The following KHDRBS2 variants were observed in gnomAD, a reference collection of about 807,000 sequenced individuals.
KHDRBS2 encodes KH RNA binding domain containing, signal transduction associated 2, also known as KH domain-containing, RNA-binding, signal transduction-associated protein 2.
Under a neutral mutation model 44.3 loss-of-function variants are expected in KHDRBS2, and 26 were observed. That is an observed-to-expected ratio of 0.59 (90% CI 0.43 to 0.81). The LOEUF is 0.81. Ranked by LOEUF, KHDRBS2 falls within the 40% of genes least tolerant of loss-of-function variation. The pLI, the probability that KHDRBS2 is intolerant of heterozygous loss-of-function variation, is 0.00. For missense variants in KHDRBS2, 476 were observed against 433.1 expected (o/e 1.10, Z -0.88); for synonymous variants, 194 against 151.1 (o/e 1.28, Z -2.08).
chr6:62,115,907 CTT>C (rs2150078524), intron 2 of KHDRBS2, among the ~76,000 whole-genome samples: 1 of 152,054 alleles, frequency 6.6e-6, no homozygotes, highest in African/African-American at 2.4e-5. Context: ...TGAATATTCT[CTT>C]AAATAAAACA....
the KHDRBS2 span, among the ~76,000 whole-genome samples, chr6:61,661,823 T>C: frequency 4.6e-3 from 704 of 151,964 alleles, 2 homozygotes; most frequent in African/African-American, 0.016. Context: ...CCATACTGCC[T>C]AAGGTAATTT....
At chr6:62,059,749 G>A (rs1562750943) in intron 2 of KHDRBS2, among the ~76,000 whole-genome samples, 1 of 151,764 alleles carries the variant, frequency 6.6e-6, no homozygotes, top group Non-Finnish European at 1.5e-5. Flanking sequence ...TTCTATACAG[G>A]GGTAGTATTT....
intron 2 of KHDRBS2, among the ~76,000 whole-genome samples, chr6:62,069,981 G>A (rs1398859760): frequency 6.6e-6 from 1 of 151,456 alleles, no homozygotes; most frequent in Admixed American, 6.6e-5. Flanking sequence ...CTATTCCTAG[G>A]ATTTTTAGTT....
At chr6:61,862,911 G>A (rs1319690005) in intron 6 of KHDRBS2, among the ~76,000 whole-genome samples, 1 of 151,506 alleles carries the variant, frequency 6.6e-6, no homozygotes, top group Non-Finnish European at 1.5e-5. Flanking sequence ...GCTCTTCTTT[G>A]TCCCTCTGGC....
intron 6 of KHDRBS2, among the ~76,000 whole-genome samples, chr6:61,736,398 C>A (rs1205084773): frequency 1.3e-5 from 2 of 152,010 alleles, no homozygotes; most frequent in Middle Eastern, 3.4e-3. Context: ...TCAGGGCAGT[C>A]CAGCACTCTA....
the KHDRBS2 span, among the ~76,000 whole-genome samples, chr6:61,618,807 C>T: frequency 0.024 from 3,723 of 152,258 alleles, 71 homozygotes; most frequent in Middle Eastern, 0.088. Flanking sequence ...GCTAATTAGC[C>T]TTTCAGTTGG....
At chr6:61,766,701 C>T (rs1182051628) in intron 6 of KHDRBS2, among the ~76,000 whole-genome samples, 2 of 151,720 alleles carry the variant, frequency 1.3e-5, no homozygotes, top group African/African-American at 4.8e-5. Flanking sequence ...AATTTTCTTC[C>T]TAATTTCTTC....
chr6:61,916,806 A>G (rs1807083276), intron 4 of KHDRBS2, among the ~76,000 whole-genome samples: 1 of 151,884 alleles, frequency 6.6e-6, no homozygotes, highest in Non-Finnish European at 1.5e-5. Context: ...CAAATAGGTC[A>G]GGCAAGTAAG....
At chr6:62,092,821 T>G (rs950208006) in intron 2 of KHDRBS2, among the ~76,000 whole-genome samples, 5 of 152,144 alleles carry the variant, frequency 3.3e-5, no homozygotes, top group African/African-American at 1.2e-4. Flanking sequence ...GCAATTAATA[T>G]GTAAGCCATA....
chr6:61,796,548 A>G (rs1314813272), intron 6 of KHDRBS2, among the ~76,000 whole-genome samples: 1 of 152,092 alleles, frequency 6.6e-6, no homozygotes, highest in Non-Finnish European at 1.5e-5. Context: ...TAAAGGGTAC[A>G]TTAAAAACTA....
chr6:62,200,507 G>A (rs1826725449), intron 1 of KHDRBS2, among the ~76,000 whole-genome samples: 1 of 152,204 alleles, frequency 6.6e-6, no homozygotes, highest in Non-Finnish European at 1.5e-5. Context: ...CCGGCCATCA[G>A]AGAAATGCAC....
At chr6:61,809,498 A>G (rs1472660191) in intron 6 of KHDRBS2, among the ~76,000 whole-genome samples, 2 of 152,112 alleles carry the variant, frequency 1.3e-5, no homozygotes, top group African/African-American at 4.8e-5. Flanking sequence ...AGGTCTCTAC[A>G]AAATACCTTA....
intron 1 of KHDRBS2, among the ~76,000 whole-genome samples, chr6:62,230,951 A>G (rs1364723235): frequency 1.3e-5 from 2 of 152,206 alleles, no homozygotes; most frequent in Admixed American, 1.3e-4. Flanking sequence ...ATAACACTAC[A>G]TGTGTAAGGG....
rs552211839 is a variant in KHDRBS2 at position 61,937,515 on chromosome 6, T to C, written c.484-36144A>G. Among the ~76,000 whole-genome samples, 40 of 152,184 alleles carry C rather than the reference T, an allele frequency of 2.6e-4. No individual in the cohort carries two copies. In the East Asian group the frequency reaches 6.9e-3, roughly 26 times the overall value. ...TATCTTTGGTCTGATGTGTCTTATG[T>C]TTATTGAACTTCTTGGGGGATTTTG... On this transcript the variant is annotated intron_variant, in intron 4 of 8. Transcript: ENST00000281156.
intron 3 of KHDRBS2, among the ~76,000 whole-genome samples, chr6:62,036,374 G>A (rs1785287325): frequency 6.6e-6 from 1 of 151,852 alleles, no homozygotes; most frequent in Non-Finnish European, 1.5e-5. Context: ...GGGAAAAATA[G>A]ATACAGGGCC....
At chr6:62,061,820 G>A (rs1292938963) in intron 2 of KHDRBS2, among the ~76,000 whole-genome samples, 3 of 147,616 alleles carry the variant, frequency 2.0e-5, no homozygotes, top group South Asian at 2.2e-4. Context: ...CCAATCAGAC[G>A]TAGATTTGGT....
At chr6:62,067,167 T>A (rs945031883) in intron 2 of KHDRBS2, among the ~76,000 whole-genome samples, 2 of 151,526 alleles carry the variant, frequency 1.3e-5, no homozygotes, top group African/African-American at 2.4e-5. Flanking sequence ...CAGTTAGTAT[T>A]CCCATCCGCT....
the KHDRBS2 span, among the ~76,000 whole-genome samples, chr6:61,655,525 G>A: frequency 6.6e-6 from 1 of 152,056 alleles, no homozygotes; most frequent in Non-Finnish European, 1.5e-5. Context: ...AAAGTGTTGG[G>A]ATTACAGGCA....
the KHDRBS2 span, among the ~76,000 whole-genome samples, chr6:61,653,800 A>G: frequency 6.6e-6 from 1 of 152,092 alleles, no homozygotes; most frequent in Non-Finnish European, 1.5e-5. Context: ...AATAAAAAAG[A>G]TCATTTGGGG....
Sources: gnomAD v4.1 joint callset for allele counts (sites outside exome capture counted in the v4.1 genomes callset) on GRCh38, gnomAD v4.1.1 for gene constraint, MANE v1.5 for transcripts, NCBI Gene and HGNC (gene_info 2026-07-23, HGNC 2026-07-21) for gene names.